Variants in CTDSPL observed in about 807,000 individuals in gnomAD.
CTDSPL encodes the protein CTD small phosphatase-like protein.
Under a neutral mutation model 30.5 loss-of-function variants are expected in CTDSPL, and 8 were observed. The ratio of observed to expected loss-of-function variants is 0.26; its 90% CI spans 0.15 to 0.47. The LOEUF is 0.47. Among genes scored for constraint, CTDSPL ranks in the 20% least tolerant of loss-of-function variants. The pLI is 0.99. For synonymous variants in CTDSPL, 110 were observed against 137.9 expected (o/e 0.80, Z 1.42); for missense variants, 248 against 366.1 (o/e 0.68, Z 2.63).
chr3:37,876,766 C>T (rs570035357), intron 1 of CTDSPL, among the ~76,000 whole-genome samples: 4 of 150,814 alleles, frequency 2.7e-5, no homozygotes, highest in Non-Finnish European at 3.0e-5. Flanking sequence ...ATATTTTTAT[C>T]GTCTTAGTAA....
At chr3:37,882,171 G>T (rs1037511464) in intron 1 of CTDSPL, among the ~76,000 whole-genome samples, 2 of 152,048 alleles carry the variant, frequency 1.3e-5, no homozygotes, top group Non-Finnish European at 2.9e-5. Flanking sequence ...GGCTGGGCAC[G>T]GTGGCTCACG....
chr3:37,962,165 A>G (rs547846447), intron 3 of CTDSPL, among the ~76,000 whole-genome samples: 1 of 152,254 alleles, frequency 6.6e-6, no homozygotes, highest in Non-Finnish European at 1.5e-5. Flanking sequence ...TAATGATTCA[A>G]GCATCACCTG....
At chr3:37,886,081 G>C (rs2125594283) in intron 1 of CTDSPL, among the ~76,000 whole-genome samples, 1 of 152,224 alleles carries the variant, frequency 6.6e-6, no homozygotes, top group East Asian at 1.9e-4. Flanking sequence ...TTGTGCTCTG[G>C]TTCCCAAGTG....
At chr3:37,885,987 C>T (rs1308087418) in intron 1 of CTDSPL, among the ~76,000 whole-genome samples, 1 of 152,266 alleles carries the variant, frequency 6.6e-6, no homozygotes, top group East Asian at 1.9e-4. Flanking sequence ...GGAGCTTTTC[C>T]AGTTGACATG....
intron 1 of CTDSPL, among the ~76,000 whole-genome samples, chr3:37,921,830 T>C (rs907105880): frequency 1.3e-5 from 2 of 152,216 alleles, no homozygotes; most frequent in East Asian, 3.8e-4. Context: ...CCTGTTGTCT[T>C]GGGCCTTGCC....
chr3:37,881,270 T>C (rs1185177205), intron 1 of CTDSPL, among the ~76,000 whole-genome samples: 2 of 152,198 alleles, frequency 1.3e-5, no homozygotes, highest in African/African-American at 2.4e-5. Context: ...GGCTCACACC[T>C]GTAATCCCAG....
intron 1 of CTDSPL, among the ~76,000 whole-genome samples, chr3:37,928,329 A>G (rs549015640): frequency 6.6e-6 from 1 of 152,300 alleles, no homozygotes; most frequent in East Asian, 1.9e-4. Context: ...CAGCTATACC[A>G]TTTTACATTT....
At chr3:37,897,530 G>A (rs1233529006) in intron 1 of CTDSPL, among the ~76,000 whole-genome samples, 1 of 152,128 alleles carries the variant, frequency 6.6e-6, no homozygotes, top group Non-Finnish European at 1.5e-5. Context: ...TACTGTATGA[G>A]TTTTTAGCCA....
intron 1 of CTDSPL, among the ~76,000 whole-genome samples, chr3:37,928,486 T>C (rs62239984): frequency 0.058 from 8,908 of 152,314 alleles, 294 homozygotes; most frequent in African/African-American, 0.085. Flanking sequence ...TGGTCAGTGA[T>C]GTCGTGCACC....
intron 1 of CTDSPL, among the ~76,000 whole-genome samples, chr3:37,924,304 T>C (rs1230236925): frequency 6.8e-6 from 1 of 146,616 alleles, no homozygotes; most frequent in Non-Finnish European, 1.5e-5. Context: ...TGTCCCACAA[T>C]TGGAAGACTT....
At chr3:37,911,416 C>A (rs958947768) in intron 1 of CTDSPL, among the ~76,000 whole-genome samples, 4 of 152,072 alleles carry the variant, frequency 2.6e-5, no homozygotes, top group Admixed American at 6.6e-5. Flanking sequence ...TGTTACTCTG[C>A]GAAAACTGGG....
intron 1 of CTDSPL, among the ~76,000 whole-genome samples, chr3:37,924,732 G>A (rs1698761123): frequency 6.6e-6 from 1 of 152,202 alleles, no homozygotes; most frequent in Non-Finnish European, 1.5e-5. Flanking sequence ...GCTTGGAAAT[G>A]TGCATCTAAA....
At chr3:37,914,227 A>G (rs567648580) in intron 1 of CTDSPL, among the ~76,000 whole-genome samples, 65 of 152,182 alleles carry the variant, frequency 4.3e-4, no homozygotes, top group African/African-American at 1.5e-3. Context: ...TTCCTTTTCC[A>G]AATGTTTATT....
intron 1 of CTDSPL, among the ~76,000 whole-genome samples, chr3:37,932,782 A>C (rs1172445411): frequency 6.6e-6 from 1 of 152,108 alleles, no homozygotes; most frequent in Non-Finnish European, 1.5e-5. Flanking sequence ...GAGGCTTGAC[A>C]TTTTTTCAGA....
intron 1 of CTDSPL, among the ~76,000 whole-genome samples, chr3:37,903,777 T>A (rs1379716029): frequency 6.6e-6 from 1 of 152,164 alleles, no homozygotes; most frequent in African/African-American, 2.4e-5. Flanking sequence ...TCCCTCTTCT[T>A]GTCCACCTTG....
At position 37,980,950 on chromosome 3, in the gene CTDSPL, C is replaced by T; in HGVS notation, c.*83C>T. ...CTGCCTGTCCTCAGCTCCCTGGGAG[C>T]TGAAAGTGAGGATACTCCGTGCTCC... On this transcript the variant is annotated 3_prime_UTR_variant, in exon 8 of 8. Coordinates refer to ENST00000273179, the MANE Select transcript of CTDSPL (RefSeq NM_001008392.2). The T allele has an allele frequency of 6.6e-7, 1 of 1,505,344 alleles. No homozygotes were observed. Among genetic ancestry groups the T allele is most frequent in the South Asian group, 1.2e-5 (1 of 80,084 alleles). The allele number at this position is 1,505,344 out of a possible 1,614,324, so 93.2% of individuals were successfully genotyped here.
chr3:37,936,829 A>T (rs1698921765), intron 1 of CTDSPL, among the ~76,000 whole-genome samples: 1 of 152,146 alleles, frequency 6.6e-6, no homozygotes, highest in South Asian at 2.1e-4. Context: ...AACAGCATTG[A>T]TGTCCCCACT....
rs1486954868 is a variant in CTDSPL, at chr3:37,983,899, G to A, written c.*3032G>A. ...GTGCAATTTTGATGAGATGTCTCTG[G>A]GGACACGAGGATGCCCTAATGATGC... On this transcript the variant is annotated 3_prime_UTR_variant, in exon 8 of 8. Transcript: ENST00000273179. 1.0e-5 allele frequency: 2 copies of A among 192,326 alleles called. No individual in the cohort carries two copies. The highest frequency in any genetic ancestry group is 2.3e-4 in the East Asian group (2 of 8,824). 11.9% of individuals were successfully genotyped at this position (192,326 alleles called of 1,614,324 possible). A position where few individuals can be genotyped will look rare whatever the true frequency, so the allele number is the denominator to read the frequency against.
intron 1 of CTDSPL, among the ~76,000 whole-genome samples, chr3:37,881,518 G>A (rs374476175): frequency 6.6e-6 from 1 of 152,158 alleles, no homozygotes; most frequent in South Asian, 2.1e-4. Context: ...GACAGTGCGA[G>A]ACTCCGTCTC....
Sources: gnomAD v4.1 joint callset for allele counts (sites outside exome capture counted in the v4.1 genomes callset) on GRCh38, gnomAD v4.1.1 for gene constraint, MANE v1.5 for transcripts, NCBI Gene and HGNC (gene_info 2026-07-23, HGNC 2026-07-21) for gene names.